DCHS2: variants seen among roughly 807,000 people sequenced by gnomAD.
DCHS2 encodes the protein dachsous cadherin-related 2.
A neutral mutation model predicts 182.4 loss-of-function variants in DCHS2; 142 were observed. The observed-to-expected ratio is 0.78, with a 90% confidence interval of 0.68 to 0.89. DCHS2 has a LOEUF of 0.89. Among genes scored for constraint, DCHS2 ranks in the 40% least tolerant of loss-of-function variants. The pLI is 0.00. For synonymous variants in DCHS2, 1,740 were observed against 1,663.3 expected (o/e 1.05, Z -1.12); for missense variants, 4,319 against 4,198.6 (o/e 1.03, Z -0.79).
Position 154,329,597 on chromosome 4 carries a change from C to G in DCHS2, c.3844G>C (p.Val1282Leu). 1 of 1,613,362 alleles carries G rather than the reference C, an allele frequency of 6.2e-7. No homozygotes were observed. The highest frequency in any genetic ancestry group is 8.5e-7 in the Non-Finnish European group (1 of 1,179,886). ...PPRNATMAVY[V>L]SVTDINDNRP... The stretch of plus-strand genomic sequence containing the variant: ...TTATCATTGATGTCAGTAACTGAGA[C>G]GTAAACCGCCATGGTGGCGTTTCGT... Residue 1282 changes from valine (V) to leucine (L), a missense_variant, in exon 6 of 20, where the codon GTC becomes CTC. Transcript: ENST00000357232.
At chr4:154,389,519 T>TATATATATGTATATATATATATATATAC (rs1293314941) in intron 1 of DCHS2, among the ~76,000 whole-genome samples, 2 of 126,320 alleles carry the variant, frequency 1.6e-5, no homozygotes, top group African/African-American at 6.0e-5. Flanking sequence ...ACAAAGGTTA[T>TATATATATGTATATATATATATATATAC]ATATATATAT....
At chr4:154,308,396 G>A (rs758806086) in intron 10 of DCHS2, among the ~76,000 whole-genome samples, 1 of 152,160 alleles carries the variant, frequency 6.6e-6, no homozygotes, top group Non-Finnish European at 1.5e-5. Flanking sequence ...GGAGTGGGGT[G>A]CATTGACAAT....
Position 154,490,746 on chromosome 4 carries a change from A to G in DCHS2, c.610T>C (p.Tyr204His), listed in dbSNP as rs919468914. The change falls in exon 1 of 20, where the codon TAC becomes CAC. Residue 204 changes from tyrosine to histidine, a missense_variant. Physicochemically the swap from Tyr to His is moderately conservative, Grantham distance 83. Transcript: ENST00000357232. ...PDAGLFSTQG[Y>H]TLVQPSDLPK... Reference sequence around the variant, plus strand: ...AGGTCGGACGGTTGCACCAGGGTGTAGCCCTGAGTGCTGAACAGTCCGGCG... The same window carrying G: ...AGGTCGGACGGTTGCACCAGGGTGTGGCCCTGAGTGCTGAACAGTCCGGCG... 1.4e-5 allele frequency: 21 copies of G among 1,551,502 alleles called. No individual in the cohort carries two copies. The Admixed American group carries it at 1.8e-4, about 13-fold the overall frequency.
At chr4:154,447,650 A>G (rs1331666401) in intron 1 of DCHS2, among the ~76,000 whole-genome samples, 1 of 152,148 alleles carries the variant, frequency 6.6e-6, no homozygotes, top group African/African-American at 2.4e-5. Flanking sequence ...GAAACTTTAT[A>G]CCATGAGGTA....
intron 1 of DCHS2, among the ~76,000 whole-genome samples, chr4:154,442,032 C>T (rs1734039148): frequency 6.6e-6 from 1 of 152,104 alleles, no homozygotes; most frequent in Admixed American, 6.5e-5. Flanking sequence ...ATAACCTCAT[C>T]AAATATACCA....
intron 13 of DCHS2, among the ~76,000 whole-genome samples, chr4:154,295,444 ACATT>A (rs1734878451): frequency 1.3e-5 from 2 of 152,248 alleles, no homozygotes; most frequent in Admixed American, 1.3e-4. Context: ...ATATGTGGAA[ACATT>A]CATACATTCC....
chr4:154,306,303 T>A (rs1271613781), intron 10 of DCHS2, among the ~76,000 whole-genome samples: 1 of 152,100 alleles, frequency 6.6e-6, no homozygotes, highest in Non-Finnish European at 1.5e-5. Flanking sequence ...GACCAATGTA[T>A]TTGATATGAC....
At chr4:154,359,024 T>G (rs1437423105) in intron 3 of DCHS2, among the ~76,000 whole-genome samples, 1 of 151,820 alleles carries the variant, frequency 6.6e-6, no homozygotes, top group Non-Finnish European at 1.5e-5. Context: ...AGAGTAAAAT[T>G]TATGACACTA....
chr4:154,291,613 A>G (rs2111261993), intron 13 of DCHS2, among the ~76,000 whole-genome samples: 1 of 152,302 alleles, frequency 6.6e-6, no homozygotes, highest in South Asian at 2.1e-4. Flanking sequence ...GCATCCGGCC[A>G]TAAAAAAAGA....
At chr4:154,290,576 G>A (rs548622825) in intron 13 of DCHS2, among the ~76,000 whole-genome samples, 1 of 94,628 alleles carries the variant, frequency 1.1e-5, no homozygotes, top group African/African-American at 3.3e-5. Flanking sequence ...CATGGTTCTG[G>A]CATAAAAACA....
chr4:154,410,574 CAAAAAAAAAAAA>C (rs1160670540), intron 1 of DCHS2, among the ~76,000 whole-genome samples: 3 of 35,388 alleles, frequency 8.5e-5, no homozygotes, highest in African/African-American at 2.0e-4. Context: ...GACTCCATCT[CAAAAAAAAAAAA>C]AAAAAAAAAA....
chr4:154,275,710 A>G (rs571031647), intron 13 of DCHS2, among the ~76,000 whole-genome samples: 1 of 152,274 alleles, frequency 6.6e-6, no homozygotes, highest in Non-Finnish European at 1.5e-5. Flanking sequence ...GAAAAGAAAC[A>G]GCTATGCCAA....
At chr4:154,473,212 A>G (rs970186447) in intron 1 of DCHS2, among the ~76,000 whole-genome samples, 3 of 152,110 alleles carry the variant, frequency 2.0e-5, no homozygotes, top group African/African-American at 7.2e-5. Flanking sequence ...GACCACTCCA[A>G]CTCTATGTGA....
chr4:154,346,182 T>A (rs371946159), intron 3 of DCHS2, among the ~76,000 whole-genome samples: 1 of 152,172 alleles, frequency 6.6e-6, no homozygotes, highest in Non-Finnish European at 1.5e-5. Context: ...TTTCAACATA[T>A]GAATTTTGGA....
At chr4:154,284,728 G>A (rs4447842) in intron 13 of DCHS2, 108,849 of 152,166 alleles carry the variant, frequency 0.72, 39,792 homozygotes, top group African/African-American at 0.86. Context: ...GGAATCTCCT[G>A]TCTCAGCAGT....
At chr4:154,356,447 A>G (rs1287378691) in intron 3 of DCHS2, among the ~76,000 whole-genome samples, 1 of 152,202 alleles carries the variant, frequency 6.6e-6, no homozygotes, top group Non-Finnish European at 1.5e-5. Context: ...GCCTAAGTGT[A>G]GTATTTCTAA....
At chr4:154,469,527 A>T (rs1444920828) in intron 1 of DCHS2, among the ~76,000 whole-genome samples, 5 of 152,196 alleles carry the variant, frequency 3.3e-5, no homozygotes, top group Non-Finnish European at 7.3e-5. Flanking sequence ...CTTAATATGT[A>T]CTTGTAAGTT....
In DCHS2 at chr4:154,235,371, T is replaced by A. The variant is rs1402842739; in HGVS notation, c.9281A>T (p.His3094Leu). ...NLYRHSNSSG[H>L]CSVEGETAED... is the part of the protein sequence containing the mutation. ...TGCAGTTTCTCCTTCCACAGAACAG[T>A]GGCCACTGGAGTTTGAGTGTCTGTA... is the stretch of plus-strand genomic sequence containing the variant. The change falls in exon 20 of 20, where the codon CAC becomes CTC. Residue 3094 changes from histidine to leucine, a missense_variant. By Grantham distance (99) the His-to-Leu change is moderately conservative (BLOSUM62 -3). Coordinates refer to ENST00000357232, the MANE Select transcript of DCHS2 (RefSeq NM_001358235.2). 6.2e-7 allele frequency: 1 copy of A among 1,613,954 alleles called. No individual in the cohort carries two copies. The highest frequency in any genetic ancestry group is 1.3e-5 in the African/African-American group (1 of 74,916).
rs750462507 is a variant in DCHS2 at position 154,320,681 on chromosome 4, G to A, written c.4718C>T (p.Ser1573Phe). 3 of 1,614,082 alleles carry A rather than the reference G, an allele frequency of 1.9e-6. No homozygotes were observed. Among genetic ancestry groups the A allele is most frequent in the Middle Eastern group, 1.6e-4 (1 of 6,062 alleles). The change falls in exon 9 of 20, where the codon TCC becomes TTC. Residue 1573 changes from serine to phenylalanine, a missense_variant. Coordinates refer to ENST00000357232, the MANE Select transcript of DCHS2 (RefSeq NM_001358235.2). ...TGGAATGCTTTCTCTGTCAAGACGG[G>A]ACACAGTGACTAGTGTGCCAAATGA... ...HPSFGTLVTV[S>F]RLDRESIPTV...
Sources: allele counts gnomAD v4.1 joint callset (sites outside exome capture counted in the v4.1 genomes callset), GRCh38; gene constraint gnomAD v4.1.1; transcripts MANE v1.5; gene names NCBI Gene and HGNC (gene_info 2026-07-23, HGNC 2026-07-21).